The following NEGR1 variants were observed in gnomAD, a reference collection of about 807,000 sequenced individuals.
NEGR1 encodes the protein IgLON family member 4.
NEGR1 carries 10 observed loss-of-function variants against 40.9 expected under a neutral mutation model. That is an observed-to-expected ratio of 0.24 (90% CI 0.15 to 0.42). The LOEUF (loss-of-function observed/expected upper bound fraction) is 0.42, where lower values mean the gene tolerates loss of function less well. NEGR1 is among the 10% of genes least tolerant of loss of function. NEGR1 has a pLI of 1.00. For missense variants in NEGR1, 352 were observed against 438.9 expected (o/e 0.80, Z 1.77); for synonymous variants, 185 against 166.8 (o/e 1.11, Z -0.84).
At chr1:71,497,643 G>A (rs17091292) in intron 6 of NEGR1, among the ~76,000 whole-genome samples, 10,789 of 151,888 alleles carry the variant, frequency 0.071, 451 homozygotes, top group African/African-American at 0.1. Flanking sequence ...TTTTTGAGAA[G>A]CTAAATGGAA....
chr1:71,822,609 C>T (rs1001202093), intron 2 of NEGR1, among the ~76,000 whole-genome samples: 1 of 151,986 alleles, frequency 6.6e-6, no homozygotes, highest in Non-Finnish European at 1.5e-5. Flanking sequence ...CTTGAGGAGA[C>T]TGGACACATG....
At chr1:71,744,423 T>C (rs1655318717) in intron 3 of NEGR1, among the ~76,000 whole-genome samples, 1 of 151,232 alleles carries the variant, frequency 6.6e-6, no homozygotes, top group Non-Finnish European at 1.5e-5. Context: ...AATATATCCA[T>C]ATTTACATCT....
At chr1:71,870,411 G>A (rs538639436) in intron 2 of NEGR1, among the ~76,000 whole-genome samples, 2 of 151,902 alleles carry the variant, frequency 1.3e-5, no homozygotes, top group Non-Finnish European at 2.9e-5. Context: ...ATGATCAGTG[G>A]GCTCTTCCTG....
intron 1 of NEGR1, among the ~76,000 whole-genome samples, chr1:72,189,116 T>C (rs1305823185): frequency 4.0e-5 from 6 of 151,482 alleles, no homozygotes; most frequent in Non-Finnish European, 1.5e-5. Context: ...GAAGACAGTC[T>C]CCCTATTCAA....
chr1:72,049,390 G>T (rs1647035890), intron 1 of NEGR1, among the ~76,000 whole-genome samples: 1 of 151,462 alleles, frequency 6.6e-6, no homozygotes, highest in South Asian at 2.1e-4. Flanking sequence ...AAGCACCTTA[G>T]AAAGAATCTG....
At chr1:71,573,625 T>C (rs1011022510) in intron 6 of NEGR1, 1 of 152,244 alleles carries the variant, frequency 6.6e-6, no homozygotes, top group Non-Finnish European at 1.5e-5. Flanking sequence ...ATCATGCCAA[T>C]ATGAATATTA....
chr1:72,104,085 G>T lies in NEGR1; in HGVS notation c.177-168774C>A, dbSNP rs1161716602. ...ACATTCATTATGTGCTTTTGGATTT[G>T]TTTTTTTCCATGGAGAACATAAAGT... is the stretch of plus-strand genomic sequence containing the variant. On this transcript the variant is annotated intron_variant, in intron 1 of 6. Coordinates refer to ENST00000357731, the MANE Select transcript of NEGR1 (RefSeq NM_173808.3). Among the ~76,000 whole-genome samples the T allele has an allele frequency of 7.9e-5, 12 of 151,794 alleles. No homozygotes were observed. In the East Asian group the frequency reaches 2.3e-3, roughly 30 times the overall value.
chr1:72,045,685 G>A (rs897919662), intron 1 of NEGR1, among the ~76,000 whole-genome samples: 3 of 151,674 alleles, frequency 2.0e-5, no homozygotes, highest in Admixed American at 1.3e-4. Context: ...TTTGTAAATT[G>A]CCCAGTCTTG....
intron 2 of NEGR1, among the ~76,000 whole-genome samples, chr1:71,924,459 T>C (rs1033006774): frequency 1.3e-5 from 2 of 152,218 alleles, no homozygotes; most frequent in African/African-American, 2.4e-5. Flanking sequence ...CATCTCACTT[T>C]ATTCTGCACT....
chr1:71,493,528 T>C (rs1237237067), intron 6 of NEGR1, among the ~76,000 whole-genome samples: 1 of 152,168 alleles, frequency 6.6e-6, no homozygotes, highest in Non-Finnish European at 1.5e-5. Context: ...AAGAAAACTA[T>C]TTTCTCTTTT....
At chr1:71,830,425 TA>T (rs1413354033) in intron 2 of NEGR1, among the ~76,000 whole-genome samples, 1 of 151,790 alleles carries the variant, frequency 6.6e-6, no homozygotes, top group Non-Finnish European at 1.5e-5. Context: ...ATATGTAAAT[TA>T]ATGGGAGTGG....
intron 1 of NEGR1, among the ~76,000 whole-genome samples, chr1:72,103,851 C>T (rs1336556896): frequency 6.6e-6 from 1 of 152,000 alleles, no homozygotes; most frequent in Non-Finnish European, 1.5e-5. Flanking sequence ...TTTTAATGAT[C>T]GTTCACTGTC....
chr1:71,983,745 C>G (rs1646372734), intron 1 of NEGR1, among the ~76,000 whole-genome samples: 1 of 152,146 alleles, frequency 6.6e-6, no homozygotes, highest in African/African-American at 2.4e-5. Context: ...CATACATGTA[C>G]AACTGTGCAT....
intron 1 of NEGR1, among the ~76,000 whole-genome samples, chr1:72,096,572 T>C (rs901593899): frequency 2.0e-5 from 3 of 152,128 alleles, no homozygotes; most frequent in African/African-American, 7.2e-5. Context: ...CATACATTTT[T>C]ATAGCTTGAC....
intron 2 of NEGR1, among the ~76,000 whole-genome samples, chr1:71,792,275 T>G (rs748752775): frequency 6.6e-5 from 10 of 152,172 alleles, no homozygotes; most frequent in Non-Finnish European, 7.4e-5. Flanking sequence ...TTTCTCCCCC[T>G]ATGATATGAA....
At chr1:71,498,564 G>A (rs1023420766) in intron 6 of NEGR1, among the ~76,000 whole-genome samples, 3 of 152,078 alleles carry the variant, frequency 2.0e-5, no homozygotes, top group Admixed American at 2.0e-4. Context: ...CCAAATATCA[G>A]AAATGAAAAG....
intron 1 of NEGR1, among the ~76,000 whole-genome samples, chr1:72,160,144 G>A (rs187321383): frequency 5.3e-5 from 8 of 152,192 alleles, no homozygotes; most frequent in African/African-American, 1.7e-4. Context: ...TCATTATACA[G>A]CAGAACTGAG....
intron 3 of NEGR1, among the ~76,000 whole-genome samples, chr1:71,722,171 T>C (rs960608041): frequency 2.6e-5 from 4 of 152,200 alleles, no homozygotes; most frequent in East Asian, 1.9e-4. Context: ...GAGTAGAAAA[T>C]GGAAGATAAG....
chr1:71,797,921 C>T (rs749599849), intron 2 of NEGR1, among the ~76,000 whole-genome samples: 1 of 151,772 alleles, frequency 6.6e-6, no homozygotes, highest in Non-Finnish European at 1.5e-5. Context: ...TAACCTGCAT[C>T]ACTATAGTAT....
Sources: allele counts gnomAD v4.1 joint callset (sites outside exome capture counted in the v4.1 genomes callset), GRCh38; gene constraint gnomAD v4.1.1; transcripts MANE v1.5; gene names NCBI Gene and HGNC (gene_info 2026-07-23, HGNC 2026-07-21).